ATP1A2: variants seen among roughly 807,000 people sequenced by gnomAD.
The protein encoded by ATP1A2 is ATPase Na+/K+ transporting subunit alpha 2, also known as sodium/potassium-transporting ATPase subunit alpha-2.
A neutral mutation model predicts 113.1 loss-of-function variants in ATP1A2; 56 were observed. The ratio of observed to expected loss-of-function variants is 0.49; its 90% CI spans 0.40 to 0.62. The LOEUF (loss-of-function observed/expected upper bound fraction) is 0.62. Among genes scored for constraint, ATP1A2 ranks in the 20% least tolerant of loss-of-function variants. The probability of loss-of-function intolerance (pLI) is 0.00; values close to 1 mark genes in which losing one functional copy is unlikely to be tolerated. For synonymous variants in ATP1A2, 490 were observed against 526.8 expected (o/e 0.93, Z 0.96); for missense variants, 712 against 1,357.8 (o/e 0.52, Z 7.47).
chr1:160,123,147 A>AT, intron 3 of ATP1A2, 66 bp from the exon 4 acceptor site: 1 of 1,564,854 alleles, frequency 6.4e-7, no homozygotes, highest in East Asian at 2.2e-5. Context: ...AGCTGAAGGG[A>AT]TGGGCATGGT....
At chr1:160,140,846 CTTTTTT>C (rs1045304439) in intron 22 of ATP1A2, 14 of 87,036 alleles carry the variant, frequency 1.6e-4, no homozygotes, top group South Asian at 4.7e-4. Flanking sequence ...CTTTCACCTT[CTTTTTT>C]TTTTTTTTTT....
chr1:160,135,924 C>T lies in ATP1A2; in HGVS notation c.2370C>T (p.Phe790=). 6.2e-7 allele frequency: 1 copy of T among 1,614,090 alleles called. No homozygotes were observed. The highest frequency in any genetic ancestry group is 8.5e-7 in the Non-Finnish European group (1 of 1,180,014). ...CCGAGATCACCCCCTTCCTGCTGTT[C>T]ATCATTGCCAACATCCCCCTACCTC... The part of the protein sequence containing the change: ...NIPEITPFLL[F]IIANIPLPLG... The change falls in exon 17 of 23, where the codon TTC becomes TTT. Residue 790 remains phenylalanine, a synonymous_variant. Transcript: ENST00000361216. The surrounding 1 kb of genome is among the most constrained non-coding windows in gnomAD (Gnocchi z 6.3).
Position 160,130,566 on chromosome 1 carries a change from C to T in ATP1A2, c.1796C>T (p.Ala599Val). 1 of 1,614,216 alleles carries T rather than the reference C, an allele frequency of 6.2e-7. No individual in the cohort carries two copies. Among genetic ancestry groups the T allele is most frequent in the Non-Finnish European group, 8.5e-7 (1 of 1,180,022 alleles). The change falls in exon 13 of 23, where the codon GCT (alanine) becomes GTT (valine). Residue 599 changes from alanine (A) to valine (V), a missense_variant. Around this residue, in one of 6 missense-constraint regions of ATP1A2, gnomAD observed 263 missense variants for 380.6 expected, o/e 0.69. Coordinates refer to ENST00000361216, the MANE Select transcript of ATP1A2 (RefSeq NM_000702.4). Reference sequence around the variant, plus strand: ...CCTCCCCGGGCTGCTGTGCCAGATGCTGTGGGCAAGTGCCGAAGCGCAGGC... The same window carrying T: ...CCTCCCCGGGCTGCTGTGCCAGATGTTGTGGGCAAGTGCCGAAGCGCAGGC... ...IDPPRAAVPD[A>V]VGKCRSAGIK...
At chr1:160,128,495 T>A (rs1169794722) in intron 8 of ATP1A2, 157 bp from the exon 9 acceptor site, 1 of 1,538,238 alleles carries the variant, frequency 6.5e-7, no homozygotes, top group Non-Finnish European at 8.7e-7. Flanking sequence ...TCTCAACACA[T>A]CTAAAATTGA....
intron 13 of ATP1A2, among the ~76,000 whole-genome samples, chr1:160,131,697 G>A (rs1262017569): frequency 6.6e-6 from 1 of 152,084 alleles, no homozygotes; most frequent in African/African-American, 2.4e-5. Flanking sequence ...CACGTGTAGT[G>A]GCAGGTGCCT....
intron 20 of ATP1A2, chr1:160,137,287 T>A: frequency 1.8e-6 from 1 of 542,030 alleles, no homozygotes; most frequent in Admixed American, 3.1e-5. Context: ...TTCCCCCATC[T>A]CCTACTTGAG....
chr1:160,124,987 G>A, intron 6 of ATP1A2, 149 bp from the exon 7 acceptor site: 1 of 708,400 alleles, frequency 1.4e-6, no homozygotes, highest in African/African-American at 1.7e-5. Flanking sequence ...GGCAATAGAT[G>A]AGTAATGCCA....
Position 160,134,571 on chromosome 1 carries a change from G to A in ATP1A2, c.1915G>A (p.Glu639Lys), listed in dbSNP as rs1315668783. The A allele has an allele frequency of 6.2e-7, 1 of 1,614,206 alleles. No individual in the cohort carries two copies. The highest frequency in any genetic ancestry group is 8.5e-7 in the Non-Finnish European group (1 of 1,180,038). Residue 639 changes from glutamate to lysine, a missense_variant, in exon 14 of 23, where the codon GAG (glutamate) becomes AAG (lysine). Transcript: ENST00000361216. ...GIISEGNETV[E>K]DIAARLNIPM... ...CATATCAGAGGGTAACGAGACTGTG[G>A]AGGACATTGCAGCCCGGCTCAACAT...
In ATP1A2 at chr1:160,141,403, A is replaced by G; in HGVS notation, c.*81A>G. ...GGGATGGTGATGGAGAGGGATGGAA[A>G]TAACGGGTGGCATTGGGTGGCAACA... On this transcript the variant is annotated 3_prime_UTR_variant, in exon 23 of 23. Coordinates refer to ENST00000361216, the MANE Select transcript of ATP1A2 (RefSeq NM_000702.4). 1 of 1,578,496 alleles carries G rather than the reference A, an allele frequency of 6.3e-7. No individual in the cohort carries two copies. Among genetic ancestry groups the G allele is most frequent in the South Asian group, 1.1e-5 (1 of 90,164 alleles).
chr1:160,136,827 G>T (rs1055035348), intron 19 of ATP1A2, 74 bp from the exon 20 acceptor site: 2 of 1,614,004 alleles, frequency 1.2e-6, no homozygotes, highest in African/African-American at 2.7e-5. Context: ...GGTGGATCAG[G>T]AGAAACCATG....
chr1:160,135,139 C>A lies in ATP1A2; in HGVS notation c.1965-6C>A, dbSNP rs1389961341. 1 of 1,613,880 alleles carries A rather than the reference C, an allele frequency of 6.2e-7. No homozygotes were observed. Among genetic ancestry groups the A allele is most frequent in the African/African-American group, 1.3e-5 (1 of 74,874 alleles). Reference sequence around the variant, plus strand: ...TCAGCTGTCTCTGTCCCCACCCACCCTCCAGAGAAGCCAAGGCATGCGTGG... The same window carrying A: ...TCAGCTGTCTCTGTCCCCACCCACCATCCAGAGAAGCCAAGGCATGCGTGG... On this transcript the variant is annotated splice_region_variant and splice_polypyrimidine_tract_variant and intron_variant, in intron 14 of 22. Coordinates refer to ENST00000361216, the MANE Select transcript of ATP1A2 (RefSeq NM_000702.4). This position sits in a 1 kb window ranked among gnomAD's most constrained non-coding sequence, Gnocchi z 6.3.
At chr1:160,125,057 T>A in intron 6 of ATP1A2, 79 bp from the exon 7 acceptor site, 1 of 1,110,846 alleles carries the variant, frequency 9.0e-7, no homozygotes, top group Non-Finnish European at 1.4e-6. Context: ...TTGAGTGTGG[T>A]TGGAGGTGGT....
intron 3 of ATP1A2, 144 bp downstream of exon 3, chr1:160,121,395 A>C (rs1651393119): frequency 2.1e-6 from 2 of 965,412 alleles, no homozygotes. Flanking sequence ...GCCCAAGGAC[A>C]TGCAGCTAGT....
Position 160,134,495 on chromosome 1 carries a change from A to G in ATP1A2, c.1839A>G (p.Val613=). 2 of 1,614,200 alleles carry G rather than the reference A, an allele frequency of 1.2e-6. No homozygotes were observed. The highest frequency in any genetic ancestry group is 8.5e-7 in the Non-Finnish European group (1 of 1,180,036). The change falls in exon 14 of 23, where the codon GTA becomes GTG. Residue 613 remains valine, a synonymous_variant. Coordinates refer to ENST00000361216, the MANE Select transcript of ATP1A2 (RefSeq NM_000702.4). ...CTCCTTCCCACTAGGTGATCATGGTAACCGGGGATCACCCTATCACAGCCA... is the reference window on the plus strand; with the variant it reads ...CTCCTTCCCACTAGGTGATCATGGTGACCGGGGATCACCCTATCACAGCCA... ...CRSAGIKVIM[V]TGDHPITAKA... is the part of the protein sequence containing the mutation.
intron 3 of ATP1A2, among the ~76,000 whole-genome samples, chr1:160,122,425 A>AAG (rs1651443116): frequency 6.6e-6 from 1 of 151,878 alleles, no homozygotes; most frequent in African/African-American, 2.4e-5. Flanking sequence ...TGAATGAAAA[A>AAG]AAAAAAAAAA....
intron 1 of ATP1A2, among the ~76,000 whole-genome samples, chr1:160,116,132 C>G (rs933654462): frequency 6.6e-6 from 1 of 151,914 alleles, no homozygotes; most frequent in African/African-American, 2.4e-5. Context: ...CATGCCCCCT[C>G]CATCTCTCCC....
At chr1:160,139,775 T>C in intron 21 of ATP1A2, 34 bp downstream of exon 21, 1 of 1,613,414 alleles carries the variant, frequency 6.2e-7, no homozygotes. Context: ...TGAGTAGTCA[T>C]ACGGGGGGCC....
chr1:160,137,364 C>A (rs1019916917), intron 20 of ATP1A2, among the ~76,000 whole-genome samples: 1 of 152,138 alleles, frequency 6.6e-6, no homozygotes, highest in Admixed American at 6.5e-5. Context: ...CCTCCCCTGG[C>A]CTTCCGCAGG....
Position 160,141,678 on chromosome 1 carries a change from C to G in ATP1A2, c.*356C>G. 1 of 349,640 alleles carries G rather than the reference C, an allele frequency of 2.9e-6. No homozygotes were observed. The highest frequency in any genetic ancestry group is 2.8e-5 in the South Asian group (1 of 35,890). 21.7% of individuals were successfully genotyped at this position (349,640 alleles called of 1,614,324 possible). On this transcript the variant is annotated 3_prime_UTR_variant, in exon 23 of 23. Transcript: ENST00000361216. ...ACTGTAATAGATCAGCATCCAAAAG[C>G]AGGAACCCATCTAAACCAGAAGGAA...
Sources: allele counts gnomAD v4.1 joint callset (sites outside exome capture counted in the v4.1 genomes callset), GRCh38; gene constraint gnomAD v4.1.1; regional missense constraint gnomAD v4.1.1; non-coding constraint Gnocchi (gnomAD v3.1); transcripts MANE v1.5; gene names NCBI Gene and HGNC (gene_info 2026-07-23, HGNC 2026-07-21).